OTOF: variants seen among roughly 807,000 people sequenced by gnomAD.
OTOF encodes fer-1-like family member 2.
Under a neutral mutation model 236.8 loss-of-function variants are expected in OTOF, and 218 were observed. The observed-to-expected ratio is 0.92, with a 90% CI of 0.82 to 1.03. The LOEUF is 1.03. Ranked by LOEUF, OTOF falls within the 50% of genes least tolerant of loss-of-function variation. The pLI, the probability that OTOF is intolerant of heterozygous loss-of-function variation, is 0.00. For synonymous variants in OTOF, 1,041 were observed against 1,072.5 expected (o/e 0.97, Z 0.57); for missense variants, 2,590 against 2,694.4 (o/e 0.96, Z 0.86).
In OTOF at chr2:26,472,600, AGAG is replaced by A. The variant is rs755171049; in HGVS notation, c.3780_3782del (p.Ser1261del). The A allele has an allele frequency of 2.0e-5, 32 of 1,613,336 alleles. No homozygotes were observed. Among genetic ancestry groups the A allele is most frequent in the Middle Eastern group, 1.6e-4 (1 of 6,062 alleles). On this transcript the variant is annotated inframe_deletion, in exon 30 of 47. Coordinates refer to ENST00000272371, the MANE Select transcript of OTOF (RefSeq NM_194248.3). ...TCACCACAACCTCCCCTGTGGAGTG[AGAG>A]GAGGAGCCCCCATTGCACAGCACAC...
chr2:26,525,778 A>T (rs1666786728), intron 3 of OTOF, among the ~76,000 whole-genome samples: 1 of 152,048 alleles, frequency 6.6e-6, no homozygotes, highest in African/African-American at 2.4e-5. Context: ...CGATAGATGG[A>T]TCAGTGAATG....
At chr2:26,468,518 G>T in intron 32 of OTOF, 44 bp from the exon 33 acceptor site, 1 of 1,538,398 alleles carries the variant, frequency 6.5e-7, no homozygotes, top group Non-Finnish European at 9.0e-7. Context: ...GGGTTTCCTG[G>T]GGAGGAGTCT....
chr2:26,495,094 A>C, intron 8 of OTOF, 21 bp from the exon 9 acceptor site: 1 of 1,613,602 alleles, frequency 6.2e-7, no homozygotes, highest in Non-Finnish European at 8.5e-7. Flanking sequence ...GAGAAGGGGG[A>C]GCCAGAAGGA....
rs930408087 is a variant in OTOF, at chr2:26,483,479, A to G, written c.1375T>C (p.Phe459Leu). The G allele has an allele frequency of 1.1e-5, 17 of 1,613,850 alleles. No individual in the cohort carries two copies. In the African/African-American group the frequency reaches 2.3e-4, roughly 22 times the overall value. The change falls in exon 13 of 47, where the codon TTC (phenylalanine) becomes CTC (leucine). Residue 459 changes from phenylalanine (F) to leucine (L), a missense_variant. Physicochemically the swap from Phe to Leu is conservative, Grantham distance 22. This residue lies in a region of OTOF where 1,379 missense variants were observed against 1,341.6 expected (regional missense o/e 1.03). Transcript: ENST00000272371. ...CCCAGTACCTTCTGGCCAGCAAAGA[A>G]GACTTGCACGTAGGGGTCCACGAGG... The part of the protein sequence containing the change: ...KDLVDPYVQV[F>L]FAGQKGKTSV...
chr2:26,462,010 G>GCC lies in OTOF; in HGVS notation c.5291+71_5291+72dup. The GCC allele has an allele frequency of 1.9e-6, 3 of 1,612,798 alleles. No individual in the cohort carries two copies. The highest frequency in any genetic ancestry group is 3.5e-4 in the Middle Eastern group (2 of 5,746). On this transcript the variant is annotated intron_variant, in intron 42 of 46. Transcript: ENST00000272371. The surrounding 1 kb of genome is among the most constrained non-coding windows in gnomAD (Gnocchi z 4.7). ...TCCCACCCACAGCCACCTTCCCTCT[G>GCC]CCTCCTCTCCTGCCCCCCGGGAAGC...
At chr2:26,465,059 G>T in intron 38 of OTOF, 30 bp from the exon 39 acceptor site, 1 of 1,450,226 alleles carries the variant, frequency 6.9e-7, no homozygotes, top group African/African-American at 1.5e-5. Flanking sequence ...GGCTTGGAGG[G>T]GCTGGGTGGG....
intron 46 of OTOF, among the ~76,000 whole-genome samples, chr2:26,459,670 G>A (rs1407705474): frequency 6.6e-6 from 1 of 152,194 alleles, no homozygotes; most frequent in Non-Finnish European, 1.5e-5. Flanking sequence ...TTGAGTCCCG[G>A]CTCTACCCTA....
At chr2:26,480,500 C>T (rs372989649) in intron 15 of OTOF, among the ~76,000 whole-genome samples, 189 bp from the exon 16 acceptor site, 5 of 152,204 alleles carry the variant, frequency 3.3e-5, no homozygotes, top group Non-Finnish European at 5.9e-5. Context: ...GGGCTGGCTG[C>T]AGACACCACA....
intron 1 of OTOF, among the ~76,000 whole-genome samples, chr2:26,553,947 C>A (rs1007236551): frequency 2.6e-5 from 4 of 151,958 alleles, no homozygotes; most frequent in South Asian, 2.1e-4. Flanking sequence ...CCGAGGCAGG[C>A]GGATCATGAG....
At position 26,495,091 on chromosome 2, in the gene OTOF, G is replaced by T; in HGVS notation, c.766-18C>A. The T allele has an allele frequency of 6.2e-7, 1 of 1,613,958 alleles. No homozygotes were observed. The highest frequency in any genetic ancestry group is 8.5e-7 in the Non-Finnish European group (1 of 1,179,988). Reference sequence around the variant, plus strand: ...ATGCTGACCTGCAGGCAGGAGAAGGGGGAGCCAGAAGGAAAGCTGCCTGAG... The same window carrying T: ...ATGCTGACCTGCAGGCAGGAGAAGGTGGAGCCAGAAGGAAAGCTGCCTGAG... On this transcript the variant is annotated intron_variant, in intron 8 of 46. Transcript: ENST00000272371.
At chr2:26,472,166 C>T (rs1190583167) in intron 30 of OTOF, among the ~76,000 whole-genome samples, 2 of 151,478 alleles carry the variant, frequency 1.3e-5, no homozygotes, top group African/African-American at 4.9e-5. Context: ...CATGCACACA[C>T]ACATGCACAT....
chr2:26,459,389 A>G (rs1224966237), intron 46 of OTOF, among the ~76,000 whole-genome samples: 1 of 152,080 alleles, frequency 6.6e-6, no homozygotes, highest in Non-Finnish European at 1.5e-5. Flanking sequence ...CGTCTCTACT[A>G]AAAATACAAA....
In OTOF at chr2:26,466,851, C is replaced by A. The variant is rs1664751978; in HGVS notation, c.4363G>T (p.Gly1455Cys). The part of the protein sequence containing the change: ...EEERIVGRFK[G>C]SLCVYKVPLP... Reference sequence around the variant, plus strand: ...GGCACTTTGTACACGCAGAGGGAGCCCTGGGCAAGACAAATGTGGGTCAGG... The same window carrying A: ...GGCACTTTGTACACGCAGAGGGAGCACTGGGCAAGACAAATGTGGGTCAGG... Residue 1455 changes from glycine (G) to cysteine (C), a missense_variant and splice_region_variant, in exon 36 of 47, where the codon GGC becomes TGC. Transcript: ENST00000272371. 2 of 1,614,038 alleles carry A rather than the reference C, an allele frequency of 1.2e-6. No individual in the cohort carries two copies. Among genetic ancestry groups the A allele is most frequent in the Admixed American group, 1.7e-5 (1 of 60,002 alleles).
chr2:26,512,838 C>T (rs1358444553), intron 5 of OTOF, among the ~76,000 whole-genome samples: 1 of 152,150 alleles, frequency 6.6e-6, no homozygotes, highest in Non-Finnish European at 1.5e-5. Flanking sequence ...ATGCCAGGCA[C>T]AGGGGTGGAT....
At position 26,475,898 on chromosome 2, in the gene OTOF, C is replaced by A; in HGVS notation, c.2991+16G>T. ...GCTCTCAAAGCCAGAGCCACTCCCT[C>A]CTCCCAGGCCCTCACCTCTGTGCAC... On this transcript the variant is annotated intron_variant, in intron 24 of 46. Transcript: ENST00000272371. 6.3e-7 allele frequency: 1 copy of A among 1,594,354 alleles called. No homozygotes were observed. Among genetic ancestry groups the A allele is most frequent in the East Asian group, 2.3e-5 (1 of 44,250 alleles).
At position 26,474,604 on chromosome 2, in the gene OTOF, G is replaced by A. The variant is rs1362886747; in HGVS notation, c.3197C>T (p.Pro1066Leu). 6.2e-7 allele frequency: 1 copy of A among 1,613,098 alleles called. No homozygotes were observed. Among genetic ancestry groups the A allele is most frequent in the Admixed American group, 1.7e-5 (1 of 60,008 alleles). The change falls in exon 26 of 47, where the codon CCA (proline) becomes CTA (leucine). Residue 1066 changes from proline (P) to leucine (L), a missense_variant. Coordinates refer to ENST00000272371, the MANE Select transcript of OTOF (RefSeq NM_194248.3). ...CTCGAGCTGAGGTGGGAAGCGGGGT[G>A]GGCAGTACGCCTCGTCTGCCATCTT... is the stretch of plus-strand genomic sequence containing the variant. ...LVKMADEAYC[P>L]PRFPPQLEYY...
At position 26,460,135 on chromosome 2, in the gene OTOF, A is replaced by G; in HGVS notation, c.5884T>C (p.Tyr1962His). 1 of 1,600,452 alleles carries G rather than the reference A, an allele frequency of 6.2e-7. No homozygotes were observed. The highest frequency in any genetic ancestry group is 8.5e-7 in the Non-Finnish European group (1 of 1,173,936). The change falls in exon 46 of 47, where the codon TAT (tyrosine) becomes CAT (histidine). Residue 1962 changes from tyrosine (Y) to histidine (H), a missense_variant. Transcript: ENST00000272371. The surrounding 1 kb of genome is among the most constrained non-coding windows in gnomAD (Gnocchi z 5.3). ...KSARYFLWHT[Y>H]RWLLLKLLLL... ...AACAGTTTGAGGAGCAGCCAGCGATACGTGTGCCACAAGAAGTAGCGAGCC... is the reference window on the plus strand; with the variant it reads ...AACAGTTTGAGGAGCAGCCAGCGATGCGTGTGCCACAAGAAGTAGCGAGCC...
At position 26,482,576 on chromosome 2, in the gene OTOF, T is replaced by C; in HGVS notation, c.1409A>G (p.Gln470Arg). The C allele has an allele frequency of 1.2e-6, 2 of 1,613,074 alleles. No homozygotes were observed. The highest frequency in any genetic ancestry group is 1.7e-6 in the Non-Finnish European group (2 of 1,179,752). ...FAGQKGKTSVQKSSYEPLWNE... is the reference protein window; with the variant it reads ...FAGQKGKTSVRKSSYEPLWNE... ...CCACAGGGGCTCATAGCTGCTCTTCTGCACTGAAGTCTTGCCCTGGTGGAA... is the reference window on the plus strand; with the variant it reads ...CCACAGGGGCTCATAGCTGCTCTTCCGCACTGAAGTCTTGCCCTGGTGGAA... Residue 470 changes from glutamine to arginine, a missense_variant, in exon 14 of 47, where the codon CAG becomes CGG. Coordinates refer to ENST00000272371, the MANE Select transcript of OTOF (RefSeq NM_194248.3).
In OTOF at chr2:26,503,801, C is replaced by A; in HGVS notation, c.554G>T (p.Arg185Leu). 1 of 1,614,104 alleles carries A rather than the reference C, an allele frequency of 6.2e-7. No individual in the cohort carries two copies. The highest frequency in any genetic ancestry group is 8.5e-7 in the Non-Finnish European group (1 of 1,179,962). The change falls in exon 6 of 47, where the codon CGG becomes CTG. Residue 185 changes from arginine (R) to leucine (L), a missense_variant. Around this residue, in one of 2 missense-constraint regions of OTOF, gnomAD observed 1,379 missense variants for 1,341.6 expected, o/e 1.03. Transcript: ENST00000272371. ...VFSAMKLGKN[R>L]SHKEEPQRPD... ...TCTTTGGGGCTCCTCCTTGTGAGAC[C>A]GGTTTTTGCCGAGCTTCATGGCGGA...
Sources: gnomAD v4.1 joint callset for allele counts (sites outside exome capture counted in the v4.1 genomes callset) on GRCh38, gnomAD v4.1.1 for gene constraint, gnomAD v4.1.1 regional missense constraint, Gnocchi (gnomAD v3.1) non-coding constraint, MANE v1.5 for transcripts, NCBI Gene and HGNC (gene_info 2026-07-23, HGNC 2026-07-21) for gene names.